Variants in SORBS2 observed in about 807,000 individuals in gnomAD.
SORBS2 encodes sorbin and SH3 domain containing 2, also known as sorbin and SH3 domain-containing protein 2.
Under a neutral mutation model 97.7 loss-of-function variants are expected in SORBS2, and 46 were observed. That is an observed-to-expected ratio of 0.47 (90% CI 0.37 to 0.60). The LOEUF (loss-of-function observed/expected upper bound fraction) is 0.60. Among genes scored for constraint, SORBS2 ranks in the 20% least tolerant of loss-of-function variants. The pLI, the probability that SORBS2 is intolerant of heterozygous loss-of-function variation, is 0.00. For synonymous variants in SORBS2, 476 were observed against 473.4 expected, an observed-to-expected ratio of 1.01 and a Z score of -0.07; for missense variants, 1,316 against 1,282.3, an observed-to-expected ratio of 1.03 and a Z score of -0.40.
chr4:185,878,396 C>T (rs988766464), intron 1 of SORBS2, among the ~76,000 whole-genome samples: 1 of 152,080 alleles, frequency 6.6e-6, no homozygotes, highest in African/African-American at 2.4e-5. Context: ...TCAAGCCCAC[C>T]TCTCCGCACT....
intron 1 of SORBS2, among the ~76,000 whole-genome samples, chr4:185,886,008 A>G (rs1194854242): frequency 6.6e-6 from 1 of 152,234 alleles, no homozygotes; most frequent in East Asian, 1.9e-4. Flanking sequence ...CTTGTAAGTT[A>G]CTGCGCCCCT....
Position 185,913,607 on chromosome 4 carries a change from T to A in SORBS2, c.-338+42589A>T, listed in dbSNP as rs73021821. Among the ~76,000 whole-genome samples, 516 of 152,292 alleles carry A rather than the reference T, an allele frequency of 3.4e-3. 5 individuals carry two copies. Among genetic ancestry groups the A allele is most frequent in the African/African-American group, 0.012 (503 of 41,576 alleles). On this transcript the variant is annotated intron_variant, in intron 1 of 20. Coordinates refer to the SORBS2 transcript ENST00000284776. ...CTCATTTCGTTTCTTCTTGGGGATTTAATTAAACCAGATTCTGAAGAGGAT... is the reference window on the plus strand; with the variant it reads ...CTCATTTCGTTTCTTCTTGGGGATTAAATTAAACCAGATTCTGAAGAGGAT...
At chr4:185,837,810 A>G (rs549728517) in intron 1 of SORBS2, among the ~76,000 whole-genome samples, 1 of 152,076 alleles carries the variant, frequency 6.6e-6, no homozygotes, top group East Asian at 1.9e-4. Flanking sequence ...CTAAGACTAT[A>G]CAGACTATCC....
At chr4:185,722,969 AGCT>A (rs1231379254) in intron 2 of SORBS2, among the ~76,000 whole-genome samples, 1 of 152,188 alleles carries the variant, frequency 6.6e-6, no homozygotes, top group Admixed American at 6.5e-5. Context: ...AGCCGATCTG[AGCT>A]GTCACCCAAC....
intron 2 of SORBS2, among the ~76,000 whole-genome samples, chr4:185,732,960 A>G (rs1052492881): frequency 1.1e-4 from 16 of 152,228 alleles, no homozygotes; most frequent in Non-Finnish European, 2.4e-4. Context: ...ATGCTGCCAT[A>G]AGCCAAGGAC....
At chr4:185,611,894 A>C in exon 12 of SORBS2, 2 of 1,614,070 alleles carry the variant, frequency 1.2e-6, no homozygotes, top group Non-Finnish European at 1.7e-6. Context: ...CATAGGAAAC[A>C]GGGAAGATGC....
chr4:185,904,614 A>G (rs1408909110), intron 1 of SORBS2, among the ~76,000 whole-genome samples: 1 of 152,254 alleles, frequency 6.6e-6, no homozygotes, highest in African/African-American at 2.4e-5. Flanking sequence ...ATGCCGCACA[A>G]TGACAAAAGC....
At position 185,733,449 on chromosome 4, in the gene SORBS2, C is replaced by T. The variant is rs2098659131; in HGVS notation, c.-198+41778G>A. ...GCGAACAGTGACATTGGAGCAAGGGCCCATCCCGTGCTTCTCTGGAGCCCC... is the reference window on the plus strand; with the variant it reads ...GCGAACAGTGACATTGGAGCAAGGGTCCATCCCGTGCTTCTCTGGAGCCCC... On this transcript the variant is annotated intron_variant, in intron 2 of 20. Transcript: ENST00000284776. Among the ~76,000 whole-genome samples, 3 of 152,206 alleles carry T rather than the reference C, an allele frequency of 2.0e-5. No homozygotes were observed. The South Asian group carries it at 6.2e-4, about 32-fold the overall frequency.
intron 2 of SORBS2, among the ~76,000 whole-genome samples, chr4:185,733,084 A>G (rs2098655321): frequency 1.3e-5 from 2 of 152,168 alleles, no homozygotes; most frequent in Non-Finnish European, 2.9e-5. Context: ...CCCCACGTAG[A>G]GTGTGAGACA....
chr4:185,867,929 T>G (rs1233174504), intron 1 of SORBS2, among the ~76,000 whole-genome samples: 1 of 152,048 alleles, frequency 6.6e-6, no homozygotes, highest in African/African-American at 2.4e-5. Context: ...GCACAAATAG[T>G]GTCCCAGCTC....
intron 2 of SORBS2, among the ~76,000 whole-genome samples, chr4:185,756,337 T>A (rs2098830557): frequency 6.6e-6 from 1 of 152,212 alleles, no homozygotes; most frequent in Non-Finnish European, 1.5e-5. Context: ...TTATGTCACA[T>A]GGATTTTTAA....
At chr4:185,755,767 T>C (rs2098827173) in intron 2 of SORBS2, among the ~76,000 whole-genome samples, 1 of 152,228 alleles carries the variant, frequency 6.6e-6, no homozygotes, top group Admixed American at 6.5e-5. Flanking sequence ...CATTCATTCT[T>C]TCAAGACTTT....
rs560367986 is a variant in SORBS2, at chr4:185,684,841, C to T, written c.-197-6019G>A. 75 of 1,551,708 alleles carry T rather than the reference C, an allele frequency of 4.8e-5. No homozygotes were observed. Among genetic ancestry groups the T allele is most frequent in the Admixed American group, 3.3e-4 (17 of 50,992 alleles). Reference sequence around the variant, plus strand: ...GCGGCACGTTTGCGAGCACACCCACCGCTATCTGGAAGCAAAAAAATGATA... The same window carrying T: ...GCGGCACGTTTGCGAGCACACCCACTGCTATCTGGAAGCAAAAAAATGATA... On this transcript the variant is annotated intron_variant, in intron 2 of 20. Coordinates refer to the SORBS2 transcript ENST00000284776. The surrounding 1 kb of genome is among the most constrained non-coding windows in gnomAD (Gnocchi z 4.2).
At chr4:185,629,234 G>A (rs902752673) in intron 5 of SORBS2, among the ~76,000 whole-genome samples, 2 of 152,108 alleles carry the variant, frequency 1.3e-5, no homozygotes, top group African/African-American at 4.8e-5. Context: ...TTTTTGCTGG[G>A]ACTGTCCTGT....
intron 5 of SORBS2, among the ~76,000 whole-genome samples, chr4:185,628,704 G>A (rs574992162): frequency 6.6e-6 from 1 of 152,318 alleles, no homozygotes; most frequent in South Asian, 2.1e-4. Flanking sequence ...AGCCATGATT[G>A]CACCACTGCA....
intron 1 of SORBS2, among the ~76,000 whole-genome samples, chr4:185,901,015 G>A (rs984635070): frequency 6.6e-6 from 1 of 152,180 alleles, no homozygotes; most frequent in Admixed American, 6.5e-5. Context: ...ATGAAACAAG[G>A]TAGATAAACT....
intron 1 of SORBS2, among the ~76,000 whole-genome samples, chr4:185,927,257 G>A (rs1271224432): frequency 6.6e-6 from 1 of 150,864 alleles, no homozygotes; most frequent in African/African-American, 2.4e-5. Flanking sequence ...AAAATTTTGA[G>A]CACTCAGTCC....
rs760511537 is a variant in SORBS2, at chr4:185,618,695, T to C, written c.2305-64A>G. 867 of 1,041,492 alleles carry C rather than the reference T, an allele frequency of 8.3e-4. 1 individual carries two copies. The highest frequency in any genetic ancestry group is 1.2e-3 in the Non-Finnish European group (809 of 703,180). 64.5% of individuals were successfully genotyped at this position (1,041,492 alleles called of 1,614,324 possible). ...TTGAATTTTCTACAAGAAAGTAGTT[T>C]AATGTGCCTTAAAGAAAAAGGAAAC... On this transcript the variant is annotated intron_variant, in intron 8 of 14. Transcript: ENST00000418609.
intron 3 of SORBS2, among the ~76,000 whole-genome samples, chr4:185,648,998 G>GAA (rs2097263717): frequency 6.6e-6 from 1 of 152,126 alleles, no homozygotes; most frequent in Non-Finnish European, 1.5e-5. Context: ...GTGGAGAAAG[G>GAA]AAAACTCGTA....
Sources: allele counts gnomAD v4.1 joint callset (sites outside exome capture counted in the v4.1 genomes callset), GRCh38; gene constraint gnomAD v4.1.1; non-coding constraint Gnocchi (gnomAD v3.1); transcripts MANE v1.5; gene names NCBI Gene and HGNC (gene_info 2026-07-23, HGNC 2026-07-21).